CEP131: variants seen among roughly 807,000 people sequenced by gnomAD.
CEP131 encodes centrosomal protein of 131 kDa.
CEP131 carries 99 observed loss-of-function variants against 136.8 expected under a neutral mutation model. The observed-to-expected ratio is 0.72, with a 90% confidence interval of 0.62 to 0.86. The LOEUF (loss-of-function observed/expected upper bound fraction) is 0.86. Among genes scored for constraint, CEP131 ranks in the 40% least tolerant of loss-of-function variants. The pLI is 0.00. For missense variants in CEP131, 1,459 were observed against 1,463.0 expected, an observed-to-expected ratio of 1.00 and a Z score of 0.04; for synonymous variants, 646 against 612.7, an observed-to-expected ratio of 1.05 and a Z score of -0.80.
chr17:81,202,161 T>TGGGGG, intron 7 of CEP131, 79 bp downstream of exon 7: 3 of 546,314 alleles, frequency 5.5e-6, no homozygotes, highest in Non-Finnish European at 8.2e-6. Flanking sequence ...CTCGGAGGTG[T>TGGGGG]GAGCCCCCCA....
At chr17:81,198,021 C>T (rs759551905) in intron 12 of CEP131, 94 bp downstream of exon 12, 15 of 1,483,232 alleles carry the variant, frequency 1.0e-5, no homozygotes, top group Admixed American at 6.7e-5. Flanking sequence ...GAGCCTGTGG[C>T]ATCCCCATTT....
In CEP131 at chr17:81,219,951, C is replaced by A. The variant is rs779296729; in HGVS notation, c.106G>T (p.Ala36Ser). ...PPPVSRRPGS[A>S]ATTKPIVRSV... ...CGGACGATGGGCTTGGTGGTGGCGG[C>A]ACTGCCAGGACGCCGGGACACAGGC... is the stretch of plus-strand genomic sequence containing the variant. Residue 36 changes from alanine to serine, a missense_variant, in exon 2 of 26, where the codon GCC becomes TCC. Physicochemically the swap from Ala to Ser is moderately conservative, Grantham distance 99. Coordinates refer to ENST00000450824, the MANE Select transcript of CEP131 (RefSeq NM_014984.4). The surrounding 1 kb of genome is among the most constrained non-coding windows in gnomAD (Gnocchi z 4.0). 9.3e-6 allele frequency: 15 copies of A among 1,612,162 alleles called. No individual in the cohort carries two copies. The Admixed American group carries it at 2.5e-4, about 27-fold the overall frequency.
Position 81,203,414 on chromosome 17 carries a change from G to A in CEP131, c.629+80C>T, listed in dbSNP as rs902072419. 1 of 1,193,970 alleles carries A rather than the reference G, an allele frequency of 8.4e-7. No homozygotes were observed. Among genetic ancestry groups the A allele is most frequent in the Admixed American group, 2.0e-5 (1 of 49,040 alleles). The allele number at this position is 1,193,970 out of a possible 1,614,324, so 74.0% of individuals were successfully genotyped here. On this transcript the variant is annotated intron_variant, in intron 6 of 25. Transcript: ENST00000450824. This position sits in a 1 kb window ranked among gnomAD's most constrained non-coding sequence, Gnocchi z 4.6. Reference sequence around the variant, plus strand: ...GAACTGACCGCGTGCCCTGACCGAGGTCGGACCCCAGGTGCACTGACTACA... The same window carrying A: ...GAACTGACCGCGTGCCCTGACCGAGATCGGACCCCAGGTGCACTGACTACA...
Position 81,199,738 on chromosome 17 carries a change from G to A in CEP131, c.1004C>T (p.Ala335Val), listed in dbSNP as rs776891758. 1.9e-5 allele frequency: 31 copies of A among 1,609,946 alleles called. No individual in the cohort carries two copies. Among genetic ancestry groups the A allele is most frequent in the Non-Finnish European group, 2.5e-5 (29 of 1,179,976 alleles). Reference protein sequence around the residue: ...RKAREEKARQARRAAIQELQQ... With the variant: ...RKAREEKARQVRRAAIQELQQ... ...CAGCACCTGAATGGCTGCTCGCCTG[G>A]CTTGGCGTGCCTTCTCCTCCCGGGC... Residue 335 changes from alanine (A) to valine (V), a missense_variant, in exon 9 of 26, where the codon GCC (alanine) becomes GTC (valine). Transcript: ENST00000450824.
At chr17:81,193,355 G>A (rs946258147) in intron 18 of CEP131, among the ~76,000 whole-genome samples, 1 of 152,186 alleles carries the variant, frequency 6.6e-6, no homozygotes, top group Non-Finnish European at 1.5e-5. Context: ...GACCAGCCAC[G>A]ACAGGCAACA....
chr17:81,196,872 T>C (rs1041666203), intron 14 of CEP131, 46 bp from the exon 15 acceptor site: 2 of 1,603,592 alleles, frequency 1.2e-6, no homozygotes, highest in Non-Finnish European at 8.5e-7. Context: ...CCGGTGGGCC[T>C]GGCCTCAGCA....
intron 7 of CEP131, 105 bp downstream of exon 7, chr17:81,202,135 A>C (rs964460399): frequency 1.6e-6 from 1 of 608,176 alleles, no homozygotes; most frequent in Non-Finnish European, 2.3e-6. Context: ...ACAATTATTA[A>C]ATGGAAATTT....
chr17:81,190,676 C>T lies in CEP131; in HGVS notation c.3070G>A (p.Ala1024Thr), dbSNP rs777884107. The part of the protein sequence containing the change: ...QAKAELATLQ[A>T]RQQLELEEVH... Reference sequence around the variant, plus strand: ...TCCTCCAGCTCCAGCTGCTGGCGGGCCTGCAGCGTGGCCAGCTCGGCCTTG... The same window carrying T: ...TCCTCCAGCTCCAGCTGCTGGCGGGTCTGCAGCGTGGCCAGCTCGGCCTTG... Residue 1024 changes from alanine to threonine, a missense_variant, in exon 24 of 26, where the codon GCC (alanine) becomes ACC (threonine). This residue lies in a region of CEP131 where 1,026 missense variants were observed against 964.2 expected (regional missense o/e 1.06). Coordinates refer to ENST00000450824, the MANE Select transcript of CEP131 (RefSeq NM_014984.4). The T allele has an allele frequency of 2.7e-5, 43 of 1,602,042 alleles. No individual in the cohort carries two copies. Among genetic ancestry groups the T allele is most frequent in the Non-Finnish European group, 3.3e-5 (39 of 1,176,816 alleles).
In CEP131 at chr17:81,203,856, C is replaced by A. The variant is rs780239195; in HGVS notation, c.516-249G>T. 1 of 486,714 alleles carries A rather than the reference C, an allele frequency of 2.1e-6. No homozygotes were observed. The highest frequency in any genetic ancestry group is 3.7e-6 in the Non-Finnish European group (1 of 270,488). 30.1% of individuals were successfully genotyped at this position (486,714 alleles called of 1,614,324 possible). ...GCAGGGGATAGAATCGAGGCATGAA[C>A]GCTGGACGTGCCCAAGACGGGGGGA... On this transcript the variant is annotated intron_variant, in intron 5 of 25. Coordinates refer to ENST00000450824, the MANE Select transcript of CEP131 (RefSeq NM_014984.4). This position sits in a 1 kb window ranked among gnomAD's most constrained non-coding sequence, Gnocchi z 4.6.
rs750920205 is a variant in CEP131, at chr17:81,206,788, T to C, written c.471A>G (p.Lys157=). The change falls in exon 5 of 26, where the codon AAA becomes AAG. Residue 157 remains lysine, a synonymous_variant. Coordinates refer to ENST00000450824, the MANE Select transcript of CEP131 (RefSeq NM_014984.4). ...TGGGGGCCAGGGCCACGGTGCATTC[T>C]TTCCTCCGCGGGCCCGCTGGTGAGT... is the stretch of plus-strand genomic sequence containing the variant. The part of the protein sequence containing the change: ...ALDSPAGPRR[K]ECTVALAPNF... The C allele has an allele frequency of 3.7e-6, 6 of 1,614,024 alleles. No individual in the cohort carries two copies. The African/African-American group carries it at 8.0e-5, about 22-fold the overall frequency.
chr17:81,192,685 G>GGGGGGGGC, intron 19 of CEP131, 51 bp downstream of exon 19: 3 of 478,430 alleles, frequency 6.3e-6, no homozygotes, highest in Non-Finnish European at 1.2e-5. Flanking sequence ...GGGGGGAGGG[G>GGGGGGGGC]TCAGCCAGCG....
At chr17:81,198,358 A>G (rs900545548) in intron 11 of CEP131, 61 bp from the exon 12 acceptor site, 28 of 1,483,400 alleles carry the variant, frequency 1.9e-5, no homozygotes, top group Non-Finnish European at 2.4e-5. Flanking sequence ...CAGCCCCCAC[A>G]TAGGAGGCCA....
rs754256125 is a variant in CEP131, at chr17:81,191,180, G to T, written c.2765+13C>A. The T allele has an allele frequency of 6.2e-7, 1 of 1,610,340 alleles. No homozygotes were observed. The highest frequency in any genetic ancestry group is 8.5e-7 in the Non-Finnish European group (1 of 1,178,270). ...CCTCCCCAGCTGGTGACCCAGCCAT[G>T]GCGGGTCCTTACCGGCTCTCGGCAG... On this transcript the variant is annotated intron_variant, in intron 22 of 25. Coordinates refer to ENST00000450824, the MANE Select transcript of CEP131 (RefSeq NM_014984.4).
At chr17:81,211,935 A>G (rs1232844677) in intron 2 of CEP131, among the ~76,000 whole-genome samples, 1 of 63,648 alleles carries the variant, frequency 1.6e-5, no homozygotes, top group East Asian at 2.3e-4. Context: ...CCTGTCTCTG[A>G]AAAAAAAAAA....
At chr17:81,192,632 A>T in intron 19 of CEP131, 39 bp from the exon 20 acceptor site, 1 of 1,321,950 alleles carries the variant, frequency 7.6e-7, no homozygotes, top group Non-Finnish European at 1.0e-6. Flanking sequence ...GGGGTCATCG[A>T]GTAAGGAGTC....
In CEP131 at chr17:81,189,675, G is replaced by A. The variant is rs539220992; in HGVS notation, c.*94C>T. ...GGGCATCTCAACCACCAGCCTCTGT[G>A]GGGGGCAGGTGGGCGTCCCTGTGGG... On this transcript the variant is annotated 3_prime_UTR_variant, in exon 26 of 26. Transcript: ENST00000450824. The A allele has an allele frequency of 1.5e-4, 190 of 1,302,452 alleles. No homozygotes were observed. The highest frequency in any genetic ancestry group is 1.9e-4 in the Non-Finnish European group (180 of 953,902). 80.7% of individuals were successfully genotyped at this position (1,302,452 alleles called of 1,614,324 possible). A position where few individuals can be genotyped will look rare whatever the true frequency, so the allele number is the denominator to read the frequency against.
chr17:81,191,539 G>A (rs978484928), intron 21 of CEP131, among the ~76,000 whole-genome samples: 1 of 152,148 alleles, frequency 6.6e-6, no homozygotes, highest in Non-Finnish European at 1.5e-5. Flanking sequence ...AGATCGTCAT[G>A]ATGCACAGCC....
intron 7 of CEP131, among the ~76,000 whole-genome samples, chr17:81,201,654 C>CT (rs2061893527): frequency 6.6e-6 from 1 of 152,142 alleles, no homozygotes; most frequent in African/African-American, 2.4e-5. Flanking sequence ...GTTGTGTGAC[C>CT]ATCAGCACAG....
intron 5 of CEP131, 22 bp downstream of exon 5, chr17:81,206,722 T>C: frequency 6.3e-7 from 1 of 1,593,534 alleles, no homozygotes. Flanking sequence ...GTGCCCGTCG[T>C]GGGCACCTGC....
Sources: allele counts gnomAD v4.1 joint callset (sites outside exome capture counted in the v4.1 genomes callset), GRCh38; gene constraint gnomAD v4.1.1; regional missense constraint gnomAD v4.1.1; non-coding constraint Gnocchi (gnomAD v3.1); transcripts MANE v1.5; gene names NCBI Gene and HGNC (gene_info 2026-07-23, HGNC 2026-07-21).